RAB27B: variants seen among roughly 807,000 people sequenced by gnomAD.
RAB27B encodes the protein ras-related protein Rab-27B.
Under a neutral mutation model 24.6 loss-of-function variants are expected in RAB27B, and 15 were observed. The observed-to-expected ratio is 0.61, with a 90% CI of 0.41 to 0.94. The LOEUF (loss-of-function observed/expected upper bound fraction) is 0.94. Among genes scored for constraint, RAB27B ranks in the 40% least tolerant of loss-of-function variants. RAB27B has a pLI of 0.00. For synonymous variants in RAB27B, 105 were observed against 92.5 expected (o/e 1.14, Z -0.78); for missense variants, 261 against 266.8 (o/e 0.98, Z 0.15).
chr18:54,817,466 C>T (rs1190911688), intron 2 of RAB27B, among the ~76,000 whole-genome samples: 4 of 152,104 alleles, frequency 2.6e-5, no homozygotes, highest in African/African-American at 9.7e-5. Flanking sequence ...TCACTCTGTT[C>T]TACTACCAAT....
At chr18:54,723,391 T>C (rs79565337) in intron 2 of RAB27B, among the ~76,000 whole-genome samples, 6,967 of 152,310 alleles carry the variant, frequency 0.046, 548 homozygotes, top group African/African-American at 0.16. Context: ...AGTTATTTTG[T>C]CATTTTCTTC....
At chr18:54,847,275 G>A (rs1219827394) in intron 1 of RAB27B, among the ~76,000 whole-genome samples, 2 of 152,152 alleles carry the variant, frequency 1.3e-5, no homozygotes, top group Admixed American at 6.5e-5. Flanking sequence ...CATAAAATAC[G>A]TTTCTACTGC....
chr18:54,833,808 G>T (rs560138360), intron 1 of RAB27B, among the ~76,000 whole-genome samples: 1 of 152,272 alleles, frequency 6.6e-6, no homozygotes, highest in African/African-American at 2.4e-5. Flanking sequence ...CTTAACCTGG[G>T]AAAGAGCTTG....
intron 2 of RAB27B, among the ~76,000 whole-genome samples, chr18:54,822,690 AC>A (rs1910348551): frequency 6.6e-6 from 1 of 152,106 alleles, no homozygotes; most frequent in South Asian, 2.1e-4. Context: ...TATTTTTATA[AC>A]TTTTCTTCTC....
chr18:54,895,432 C>CCAATGA lies in RAB27B; in HGVS notation c.*6019_*6020insCAATGA, dbSNP rs1292825326. On this transcript the variant is annotated 3_prime_UTR_variant, in exon 6 of 6. Transcript: ENST00000262094. ...ATAGCATCCAATGATTTTTTGGTGT[C>CCAATGA]TGGCTATGAATACTATGGTTGAGAA... 2.6e-5 allele frequency: 4 copies of CCAATGA among 152,020 alleles called. No individual in the cohort carries two copies. The highest frequency in any genetic ancestry group is 9.7e-5 in the African/African-American group (4 of 41,408). The allele number at this position is 152,020 out of a possible 1,614,324, so 9.4% of individuals were successfully genotyped here. A position where few individuals can be genotyped will look rare whatever the true frequency, so the allele number is the denominator to read the frequency against.
At chr18:54,829,006 T>C (rs1339282219) in intron 1 of RAB27B, among the ~76,000 whole-genome samples, 2 of 152,204 alleles carry the variant, frequency 1.3e-5, no homozygotes, top group Non-Finnish European at 2.9e-5. Flanking sequence ...CAATGCCAAT[T>C]TCCTTTCATT....
At chr18:54,754,248 G>A (rs901391479) in intron 2 of RAB27B, among the ~76,000 whole-genome samples, 1 of 152,010 alleles carries the variant, frequency 6.6e-6, no homozygotes, top group African/African-American at 2.4e-5. Flanking sequence ...TCTCTCTCTC[G>A]TCACCACGTG....
intron 2 of RAB27B, among the ~76,000 whole-genome samples, chr18:54,729,880 GA>G (rs1241957196): frequency 6.6e-6 from 1 of 152,038 alleles, no homozygotes; most frequent in African/African-American, 2.4e-5. Context: ...TGAAAGTTAA[GA>G]CCAGCCTCAC....
chr18:54,851,677 CT>C (rs772131811), intron 1 of RAB27B, among the ~76,000 whole-genome samples: 1 of 151,802 alleles, frequency 6.6e-6, no homozygotes, highest in Non-Finnish European at 1.5e-5. Flanking sequence ...TGTTTGTCTG[CT>C]TTTTTTTCTT....
chr18:54,797,877 T>C (rs1165353713), intron 2 of RAB27B, among the ~76,000 whole-genome samples: 4 of 152,238 alleles, frequency 2.6e-5, no homozygotes, highest in Non-Finnish European at 5.9e-5. Context: ...AATGATACGC[T>C]CACCATCAAC....
In RAB27B at chr18:54,877,758, TC is replaced by T. The variant is rs771795305; in HGVS notation, c.153+21del. 3 of 1,559,054 alleles carry T rather than the reference TC, an allele frequency of 1.9e-6. No individual in the cohort carries two copies. The highest frequency in any genetic ancestry group is 2.6e-6 in the Non-Finnish European group (3 of 1,160,104). On this transcript the variant is annotated intron_variant, in intron 2 of 5. Coordinates refer to ENST00000262094, the MANE Select transcript of RAB27B (RefSeq NM_004163.4). ...CGTGTGGTGAGTTTTTAATCGTACT[TC>T]TAACCTTGTCACTCATCCCCCTATA...
At chr18:54,722,866 T>A (rs1909404073) in intron 2 of RAB27B, among the ~76,000 whole-genome samples, 1 of 152,200 alleles carries the variant, frequency 6.6e-6, no homozygotes, top group Non-Finnish European at 1.5e-5. Context: ...TCAACAATAT[T>A]TTTCCCCAGT....
At chr18:54,877,479 T>A (rs1425262774) in intron 1 of RAB27B, 88 bp from the exon 2 acceptor site, 1 of 1,117,466 alleles carries the variant, frequency 8.9e-7, no homozygotes, top group East Asian at 3.1e-5. Flanking sequence ...TTTTTAACCC[T>A]GAAAATTAAA....
At chr18:54,799,831 G>A (rs948063191) in intron 2 of RAB27B, among the ~76,000 whole-genome samples, 7 of 151,824 alleles carry the variant, frequency 4.6e-5, no homozygotes, top group South Asian at 2.1e-4. Flanking sequence ...GGTTTCACCC[G>A]TGTTAGCCAG....
intron 2 of RAB27B, among the ~76,000 whole-genome samples, chr18:54,763,213 T>C (rs1908248148): frequency 6.6e-6 from 1 of 152,124 alleles, no homozygotes; most frequent in African/African-American, 2.4e-5. Context: ...AGTGAGAGTA[T>C]TATGGTTCAC....
At chr18:54,818,328 G>T (rs906809923) in intron 2 of RAB27B, among the ~76,000 whole-genome samples, 6 of 151,744 alleles carry the variant, frequency 4.0e-5, no homozygotes, top group African/African-American at 1.5e-4. Flanking sequence ...AATCAAACTA[G>T]TATATTATAT....
intron 3 of RAB27B, among the ~76,000 whole-genome samples, chr18:54,882,751 G>A (rs1294073871): frequency 6.6e-6 from 1 of 152,150 alleles, no homozygotes; most frequent in Non-Finnish European, 1.5e-5. Context: ...GTAGTCAAAG[G>A]GATGAAGTTG....
chr18:54,773,533 A>G (rs944365653), intron 2 of RAB27B, among the ~76,000 whole-genome samples: 1 of 152,238 alleles, frequency 6.6e-6, no homozygotes, highest in Non-Finnish European at 1.5e-5. Context: ...TGTCACAGGT[A>G]GTCCTATCTT....
At chr18:54,879,552 A>C (rs924180798) in intron 3 of RAB27B, 98 bp downstream of exon 3, 3 of 966,972 alleles carry the variant, frequency 3.1e-6, no homozygotes, top group Non-Finnish European at 5.0e-6. Flanking sequence ...ATAATATTCA[A>C]CTCTTCTCCT....
Sources: allele counts gnomAD v4.1 joint callset (sites outside exome capture counted in the v4.1 genomes callset), GRCh38; gene constraint gnomAD v4.1.1; transcripts MANE v1.5; gene names NCBI Gene and HGNC (gene_info 2026-07-23, HGNC 2026-07-21).